DZANK1: variants seen among roughly 807,000 people sequenced by gnomAD.
DZANK1 encodes double zinc ribbon and ankyrin repeat-containing protein 1.
Under a neutral mutation model 94.5 loss-of-function variants are expected in DZANK1, and 91 were observed. The observed-to-expected ratio is 0.96, with a 90% CI of 0.81 to 1.15. The LOEUF (loss-of-function observed/expected upper bound fraction) is 1.15. Among genes scored for constraint, DZANK1 ranks in the 50% most tolerant of loss-of-function variants. DZANK1 has a pLI of 0.00. For synonymous variants in DZANK1, 312 were observed against 325.3 expected, an observed-to-expected ratio of 0.96 and a Z score of 0.44; for missense variants, 903 against 916.4, an observed-to-expected ratio of 0.99 and a Z score of 0.19.
intron 8 of DZANK1, among the ~76,000 whole-genome samples, chr20:18,442,546 C>T (rs913489522): frequency 6.6e-6 from 1 of 152,148 alleles, no homozygotes; most frequent in African/African-American, 2.4e-5. Flanking sequence ...ATTAAATTAA[C>T]TTCTACAAAA....
intron 8 of DZANK1, 107 bp from the exon 9 acceptor site, chr20:18,433,872 G>C (rs920144141): frequency 4.7e-6 from 4 of 852,988 alleles, no homozygotes; most frequent in Non-Finnish European, 7.3e-6. Flanking sequence ...GAACATTCCC[G>C]ATCTCATCTG....
exon 12 of DZANK1, chr20:18,414,434 A>C: frequency 9.9e-6 from 16 of 1,613,808 alleles, no homozygotes; most frequent in Non-Finnish European, 1.4e-5. Context: ...CAAATACCAC[A>C]GGAGCCACAG....
chr20:18,399,213 A>G (rs4814742), intron 13 of DZANK1, among the ~76,000 whole-genome samples: 1 of 151,828 alleles, frequency 6.6e-6, no homozygotes, highest in Non-Finnish European at 1.5e-5. Flanking sequence ...TCCCACCTAC[A>G]ATAACTTACC....
intron 13 of DZANK1, among the ~76,000 whole-genome samples, chr20:18,407,951 G>C (rs1181084167): frequency 6.6e-6 from 1 of 152,160 alleles, no homozygotes; most frequent in Non-Finnish European, 1.5e-5. Context: ...AGCCTCAAAA[G>C]GGCAAATCTA....
rs367903077 is a variant in DZANK1, at chr20:18,389,789, C to T, written c.1930G>A (p.Val644Ile). The T allele has an allele frequency of 3.9e-5, 63 of 1,613,868 alleles. No homozygotes were observed. The highest frequency in any genetic ancestry group is 3.1e-4 in the East Asian group (14 of 44,890). ...TTATTCATAACAGCCACGGTTATGA[C>T]GGGTCGATTGTCTTCATCACAGCAG... is the stretch of plus-strand genomic sequence containing the variant. Residue 644 changes from valine to isoleucine, a missense_variant, in exon 19 of 21, where the codon GTC becomes ATC. Val to Ile is a conservative substitution (Grantham distance 29). Transcript: ENST00000262547.
At chr20:18,399,006 C>A (rs1209865444) in intron 13 of DZANK1, among the ~76,000 whole-genome samples, 13 of 151,978 alleles carry the variant, frequency 8.6e-5, no homozygotes, top group Non-Finnish European at 1.6e-4. Context: ...GTGGCGTGCA[C>A]CTGTAGTCCC....
intron 15 of DZANK1, chr20:18,394,560 GCCC>G: frequency 1.5e-6 from 1 of 683,380 alleles, no homozygotes; most frequent in Non-Finnish European, 2.7e-6. Flanking sequence ...GCTCAGTCTG[GCCC>G]CTCCTCCTCT....
intron 13 of DZANK1, among the ~76,000 whole-genome samples, chr20:18,399,510 G>A (rs1318997848): frequency 6.6e-5 from 10 of 152,134 alleles, no homozygotes; most frequent in Admixed American, 6.5e-4. Context: ...GATTATAGGT[G>A]TGAGACACCG....
intron 20 of DZANK1, 84 bp from the exon 21 acceptor site, chr20:18,384,648 GC>G: frequency 7.1e-7 from 1 of 1,404,500 alleles, no homozygotes. Context: ...TGCCATGGAG[GC>G]CAGGCTGGGC....
chr20:18,414,327 T>G lies in DZANK1; in HGVS notation c.1242+21A>C. On this transcript the variant is annotated intron_variant, in intron 12 of 20. Coordinates refer to ENST00000262547, the Ensembl canonical transcript of DZANK1. ...ACAGCCTCTTCCTGGGTACCAGTTC[T>G]TACTACAGGGGAGGCCTCACCTCAG... 1.9e-6 allele frequency: 3 copies of G among 1,612,848 alleles called. No homozygotes were observed. The South Asian group carries it at 3.3e-5, about 18-fold the overall frequency.
At chr20:18,412,899 A>G in intron 12 of DZANK1, 46 bp from the exon 13 acceptor site, 3 of 1,512,210 alleles carry the variant, frequency 2.0e-6, no homozygotes, top group South Asian at 1.2e-5. Context: ...ATATAATTTA[A>G]TCAATCTTGC....
At chr20:18,412,790 C>G (rs1381703294) in exon 13 of DZANK1, 6 of 1,613,790 alleles carry the variant, frequency 3.7e-6, no homozygotes, top group African/African-American at 1.3e-5. Context: ...GTTCCTATGT[C>G]CCTCTTAGTC....
intron 14 of DZANK1, 146 bp downstream of exon 14, chr20:18,398,377 A>T: frequency 1.4e-6 from 1 of 694,398 alleles, no homozygotes; most frequent in Non-Finnish European, 2.5e-6. Context: ...AGCAGAGCTC[A>T]CAAGGCAGAA....
intron 13 of DZANK1, among the ~76,000 whole-genome samples, chr20:18,411,695 A>G (rs909305829): frequency 1.3e-5 from 2 of 152,254 alleles, no homozygotes; most frequent in Admixed American, 6.5e-5. Flanking sequence ...TATAGACACA[A>G]AAGTCTTCAA....
chr20:18,415,586 T>G (rs769967754), intron 10 of DZANK1, 137 bp from the exon 11 acceptor site: 5 of 1,083,452 alleles, frequency 4.6e-6, no homozygotes, highest in Non-Finnish European at 6.0e-6. Context: ...TTTGTTTTGT[T>G]TTTTTCCCAA....
At chr20:18,401,023 G>A (rs1052075015) in intron 13 of DZANK1, among the ~76,000 whole-genome samples, 3 of 151,790 alleles carry the variant, frequency 2.0e-5, no homozygotes, top group East Asian at 1.9e-4. Flanking sequence ...TGCAACCTCC[G>A]CCTCCCGGGT....
At chr20:18,396,245 G>A (rs2056333013) in intron 15 of DZANK1, among the ~76,000 whole-genome samples, 1 of 152,212 alleles carries the variant, frequency 6.6e-6, no homozygotes, top group Non-Finnish European at 1.5e-5. Context: ...CAGTGAGTCT[G>A]AATAAGCCTG....
rs2056195666 is a variant in DZANK1 at position 18,394,255 on chromosome 20, C to T, written c.1707G>A (p.Trp569Ter). Reference sequence around the variant, plus strand: ...AATTGCCAGAAGGGAATAACTCACCCCAGCTGGACCTGCTGCCGCACAGCC... The same window carrying T: ...AATTGCCAGAAGGGAATAACTCACCTCAGCTGGACCTGCTGCCGCACAGCC... Residue 569 changes from tryptophan (W) to a stop codon, truncating the protein, a stop_gained and splice_region_variant, in exon 16 of 21, where the codon TGG becomes TGA. Transcript: ENST00000262547. LOFTEE classifies it high-confidence loss of function. 1 of 1,612,884 alleles carries T rather than the reference C, an allele frequency of 6.2e-7. No homozygotes were observed. The highest frequency in any genetic ancestry group is 1.3e-5 in the African/African-American group (1 of 74,910).
chr20:18,394,312 G>T lies in DZANK1; in HGVS notation c.1650C>A (p.His550Gln), dbSNP rs768913708. ...CACCCTCGGCAGCACTGCTCAGAAG[G>T]TGATCGCTGAAATTCACTGCCTTGT... The change falls in exon 16 of 21, where the codon CAC (histidine) becomes CAA (glutamine). Residue 550 changes from histidine to glutamine, a missense_variant. By Grantham distance (24) the His-to-Gln change is conservative (BLOSUM62 0). Coordinates refer to ENST00000262547, the Ensembl canonical transcript of DZANK1. 74 of 1,613,744 alleles carry T rather than the reference G, an allele frequency of 4.6e-5. No individual in the cohort carries two copies. In the South Asian group the frequency reaches 5.7e-4, roughly 12 times the overall value.
Sources: gnomAD v4.1 joint callset for allele counts (sites outside exome capture counted in the v4.1 genomes callset) on GRCh38, gnomAD v4.1.1 for gene constraint, MANE v1.5 for transcripts, NCBI Gene and HGNC (gene_info 2026-07-23, HGNC 2026-07-21) for gene names.